The following RBBP8NL variants were observed in gnomAD, a reference collection of about 807,000 sequenced individuals.
RBBP8NL encodes the protein RBBP8 N-terminal like.
Under a neutral mutation model 62.2 loss-of-function variants are expected in RBBP8NL, and 59 were observed. That is an observed-to-expected ratio of 0.95 (90% confidence interval 0.77 to 1.18). The LOEUF is 1.18. RBBP8NL is among the 50% of genes most tolerant of loss of function. The probability of loss-of-function intolerance (pLI) is 0.00; values close to 1 mark genes in which losing one functional copy is unlikely to be tolerated. For synonymous variants in RBBP8NL, 412 were observed against 394.1 expected (o/e 1.05, Z -0.54); for missense variants, 896 against 899.5 (o/e 1.00, Z 0.05).
intron 13 of RBBP8NL, among the ~76,000 whole-genome samples, chr20:62,411,711 C>A (rs979661397): frequency 6.6e-6 from 1 of 152,240 alleles, no homozygotes; most frequent in African/African-American, 2.4e-5. Context: ...TTCTCAGGAG[C>A]CCCTGCCAGC....
chr20:62,411,851 C>T (rs565718883), intron 13 of RBBP8NL, among the ~76,000 whole-genome samples: 9 of 152,264 alleles, frequency 5.9e-5, no homozygotes, highest in African/African-American at 9.6e-5. Flanking sequence ...ACTGCCGCTC[C>T]GGGCAGACGC....
chr20:62,417,315 C>G lies in RBBP8NL; in HGVS notation c.109G>C (p.Ala37Pro), dbSNP rs113587034. Residue 37 changes from alanine to proline, a missense_variant, in exon 4 of 14, where the codon GCC becomes CCC. By Grantham distance (27) the Ala-to-Pro change is conservative. Coordinates refer to ENST00000252998, the MANE Select transcript of RBBP8NL (RefSeq NM_080833.3). ...LELNSERCRDAQRIEELFSKN... is the reference protein window; with the variant it reads ...LELNSERCRDPQRIEELFSKN... ...GAGAAGAGCTCCTCGATCCTCTGGG[C>G]GTCCCTGTGGTGGGAAACAGCTAAA... is the stretch of plus-strand genomic sequence containing the variant. 6.3e-7 allele frequency: 1 copy of G among 1,592,170 alleles called. No homozygotes were observed. Among genetic ancestry groups the G allele is most frequent in the Non-Finnish European group, 8.5e-7 (1 of 1,169,732 alleles).
intron 9 of RBBP8NL, 134 bp downstream of exon 9, chr20:62,414,987 C>T (rs1007129545): frequency 2.0e-6 from 2 of 982,848 alleles, no homozygotes; most frequent in Admixed American, 3.4e-5. Context: ...TTGCTCCAGG[C>T]TGGGTGCCCA....
chr20:62,419,448 C>T (rs1278326963), intron 2 of RBBP8NL, 139 bp downstream of exon 2: 2 of 884,190 alleles, frequency 2.3e-6, no homozygotes, highest in Non-Finnish European at 3.5e-6. Flanking sequence ...ACTCCCCTGC[C>T]TGGGCCAAAA....
Position 62,414,257 on chromosome 20 carries a change from C to G in RBBP8NL, c.1094G>C (p.Arg365Pro). The change falls in exon 10 of 14, where the codon CGG becomes CCG. Residue 365 changes from arginine to proline, a missense_variant. Transcript: ENST00000252998. ...GACACTGCCTGCCCTGGCCCTAGCC[C>G]GCAGCTGCTGCTGGGCCAGGAGCAG... ...LHLLLAQQQL[R>P]ARARAGSVRP... 1 of 1,591,640 alleles carries G rather than the reference C, an allele frequency of 6.3e-7. No individual in the cohort carries two copies. Among genetic ancestry groups the G allele is most frequent in the Non-Finnish European group, 8.5e-7 (1 of 1,170,980 alleles).
At chr20:62,412,512 A>T in intron 13 of RBBP8NL, 112 bp downstream of exon 13, 2 of 1,414,968 alleles carry the variant, frequency 1.4e-6, no homozygotes, top group Non-Finnish European at 1.9e-6. Flanking sequence ...TGGCTCCATC[A>T]TTCTGAGGCT....
chr20:62,415,611 C>T lies in RBBP8NL; in HGVS notation c.594G>A (p.Gly198=), dbSNP rs1265621794. The change falls in exon 8 of 14, where the codon GGG becomes GGA. Residue 198 remains glycine, a synonymous_variant. Coordinates refer to ENST00000252998, the MANE Select transcript of RBBP8NL (RefSeq NM_080833.3). Reference sequence around the variant, plus strand: ...GGGCTCGCGACTCAGGCAGGGTGGCCCCTGGGGAGATTTTGGCCACTGGAG... The same window carrying T: ...GGGCTCGCGACTCAGGCAGGGTGGCTCCTGGGGAGATTTTGGCCACTGGAG... ...RTSPVAKISP[G]ATLPESRAPD... The T allele has an allele frequency of 1.2e-6, 2 of 1,612,918 alleles. No individual in the cohort carries two copies. The highest frequency in any genetic ancestry group is 2.2e-5 in the South Asian group (2 of 91,088).
chr20:62,420,010 G>T (rs1047130388), intron 1 of RBBP8NL, among the ~76,000 whole-genome samples: 10 of 152,148 alleles, frequency 6.6e-5, no homozygotes, highest in Non-Finnish European at 1.3e-4. Context: ...AGCATCTGGG[G>T]TGAGTGCCGG....
rs1475203302 is a variant in RBBP8NL, at chr20:62,415,255, C to T, written c.660G>A (p.Gly220=). The stretch of plus-strand genomic sequence containing the variant: ...ACCCAGGCCGCACCACGGCAATGGT[C>T]CCGTGCAGCTGGTTGGAGATGCGCT... ...SPQRISNQLH[G]TIAVVRPGSQ... The change falls in exon 9 of 14, where the codon GGG becomes GGA. Residue 220 remains glycine (G), a synonymous_variant. Transcript: ENST00000252998. The T allele has an allele frequency of 6.4e-7, 1 of 1,568,320 alleles. No individual in the cohort carries two copies. Among genetic ancestry groups the T allele is most frequent in the African/African-American group, 1.3e-5 (1 of 74,216 alleles).
At chr20:62,425,447 A>C (rs1601492766) in intron 1 of RBBP8NL, among the ~76,000 whole-genome samples, 1 of 152,118 alleles carries the variant, frequency 6.6e-6, no homozygotes, top group East Asian at 1.9e-4. Flanking sequence ...CTGTGGCTAC[A>C]CCCAGGGGAG....
rs764443061 is a variant in RBBP8NL at position 62,414,336 on chromosome 20, G to A, written c.1015C>T (p.Leu339=). 5.1e-6 allele frequency: 8 copies of A among 1,557,554 alleles called. No individual in the cohort carries two copies. The highest frequency in any genetic ancestry group is 2.4e-5 in the South Asian group (2 of 84,992). The change falls in exon 10 of 14, where the codon CTG becomes TTG. Residue 339 remains leucine, a synonymous_variant. Coordinates refer to ENST00000252998, the MANE Select transcript of RBBP8NL (RefSeq NM_080833.3). The stretch of plus-strand genomic sequence containing the variant: ...TGCATGCCCGCCAGGGCACTGGGCA[G>A]CCCCAGCAGTTCTGTGGGCTCCTCC... ...AWEEPTELLG[L]PSALAGMQDL...
chr20:62,412,672 G>A lies in RBBP8NL; in HGVS notation c.1828C>T (p.Gln610Ter). The A allele has an allele frequency of 6.2e-7, 1 of 1,608,360 alleles. No homozygotes were observed. Among genetic ancestry groups the A allele is most frequent in the Non-Finnish European group, 8.5e-7 (1 of 1,179,938 alleles). The change falls in exon 13 of 14, where the codon CAG becomes TAG. Residue 610 changes from glutamine (Q) to a stop codon, truncating the protein, a stop_gained. Transcript: ENST00000252998. LOFTEE classifies it low-confidence loss of function (END_TRUNC). ...CGCTTCCTCTTCCGTGGTGGACCCT[G>A]CCCGTGCTCCTGGGTGCAGATGCAC... ...PECICTQEHG[Q>*]GPPRKRKRAS... is the part of the protein sequence containing the mutation.
intron 1 of RBBP8NL, among the ~76,000 whole-genome samples, chr20:62,422,826 G>A (rs1008864090): frequency 6.6e-6 from 1 of 152,120 alleles, no homozygotes; most frequent in Non-Finnish European, 1.5e-5. Context: ...TGGCTGCAGC[G>A]TCCCCAGGGG....
chr20:62,415,605 G>C lies in RBBP8NL; in HGVS notation c.600C>G (p.Thr200=), dbSNP rs373195744. The change falls in exon 8 of 14, where the codon ACC becomes ACG. Residue 200 remains threonine (T), a synonymous_variant. Coordinates refer to ENST00000252998, the MANE Select transcript of RBBP8NL (RefSeq NM_080833.3). ...SPVAKISPGA[T]LPESRAPDMS... ...TGTCTGGGGCTCGCGACTCAGGCAG[G>C]GTGGCCCCTGGGGAGATTTTGGCCA... 1 of 1,612,876 alleles carries C rather than the reference G, an allele frequency of 6.2e-7. No individual in the cohort carries two copies. Among genetic ancestry groups the C allele is most frequent in the East Asian group, 2.2e-5 (1 of 44,882 alleles).
chr20:62,419,032 G>A (rs921794099), intron 2 of RBBP8NL, among the ~76,000 whole-genome samples: 7 of 152,208 alleles, frequency 4.6e-5, no homozygotes, highest in Non-Finnish European at 8.8e-5. Flanking sequence ...TGGGGGCTGC[G>A]GCCCTGTCCC....
intron 3 of RBBP8NL, 46 bp from the exon 4 acceptor site, chr20:62,417,365 G>A: frequency 1.4e-6 from 2 of 1,436,150 alleles, no homozygotes; most frequent in Non-Finnish European, 1.9e-6. Flanking sequence ...CATCCAGGAA[G>A]CCACACGCTG....
At chr20:62,422,170 G>A (rs6089367) in intron 1 of RBBP8NL, among the ~76,000 whole-genome samples, 8 of 152,194 alleles carry the variant, frequency 5.3e-5, no homozygotes, top group Admixed American at 2.6e-4. Flanking sequence ...GCCTCGCCAC[G>A]GCCAGCCCAG....
chr20:62,410,946 G>A lies in RBBP8NL; in HGVS notation c.1927C>T (p.Pro643Ser). Residue 643 changes from proline to serine, a missense_variant, in exon 14 of 14, where the codon CCC becomes TCC. Coordinates refer to ENST00000252998, the MANE Select transcript of RBBP8NL (RefSeq NM_080833.3). ...TCCTCGGCGTCCCTTGGGCTCCCGG[G>A]CCCCTCAGTGGCTGTCAGTTTCCTT... ...GRRKLTATEGPGSPRDAEDHS... is the reference protein window; with the variant it reads ...GRRKLTATEGSGSPRDAEDHS... 1 of 1,613,746 alleles carries A rather than the reference G, an allele frequency of 6.2e-7. No individual in the cohort carries two copies. Among genetic ancestry groups the A allele is most frequent in the Non-Finnish European group, 8.5e-7 (1 of 1,179,910 alleles).
intron 2 of RBBP8NL, 104 bp from the exon 3 acceptor site, chr20:62,418,569 C>A: frequency 8.7e-7 from 1 of 1,143,892 alleles, no homozygotes; most frequent in Non-Finnish European, 1.3e-6. Context: ...GCACTCCTGT[C>A]CCCTGCACCC....
Sources: gnomAD v4.1 joint callset for allele counts (sites outside exome capture counted in the v4.1 genomes callset) on GRCh38, gnomAD v4.1.1 for gene constraint, MANE v1.5 for transcripts, NCBI Gene and HGNC (gene_info 2026-07-23, HGNC 2026-07-21) for gene names.